Variants in UNC5C observed in about 807,000 individuals in gnomAD.
The protein encoded by UNC5C is netrin receptor UNC5C.
UNC5C carries 47 observed loss-of-function variants against 99.8 expected under a neutral mutation model. The observed-to-expected ratio is 0.47, with a 90% confidence interval of 0.37 to 0.60. The LOEUF is 0.60. Ranked by LOEUF, UNC5C falls within the 20% of genes least tolerant of loss-of-function variation. The pLI is 0.00. For synonymous variants in UNC5C, 487 were observed against 452.2 expected, an observed-to-expected ratio of 1.08 and a Z score of -0.98; for missense variants, 1,062 against 1,165.9, an observed-to-expected ratio of 0.91 and a Z score of 1.30.
chr4:95,487,008 A>C (rs1721344723), intron 1 of UNC5C, among the ~76,000 whole-genome samples: 1 of 151,316 alleles, frequency 6.6e-6, no homozygotes, highest in African/African-American at 2.4e-5. Flanking sequence ...TTTCTCGCTC[A>C]CTCTTTGGCC....
intron 12 of UNC5C, among the ~76,000 whole-genome samples, chr4:95,198,542 A>G (rs146001420): frequency 8.3e-6 from 1 of 120,272 alleles, no homozygotes; most frequent in African/African-American, 3.2e-5. Context: ...AATTTGAGGG[A>G]ATGATGGGAA....
rs950481681 is a variant in UNC5C at position 95,171,808 on chromosome 4, C to T, written c.2452-1476G>A. Among the ~76,000 whole-genome samples the T allele has an allele frequency of 4.6e-4, 70 of 151,946 alleles. 1 individual carries two copies. Among genetic ancestry groups the T allele is most frequent in the African/African-American group, 1.6e-3 (65 of 41,386 alleles). The stretch of plus-strand genomic sequence containing the variant: ...TTCTAGTTCTAGATCCCTGAGGAGT[C>T]GCCACACTGACTTCCACAATGGTTG... On this transcript the variant is annotated intron_variant, in intron 14 of 15. Coordinates refer to ENST00000453304, the MANE Select transcript of UNC5C (RefSeq NM_003728.4).
intron 1 of UNC5C, among the ~76,000 whole-genome samples, chr4:95,391,219 G>A (rs925043629): frequency 2.0e-5 from 3 of 152,104 alleles, no homozygotes; most frequent in Non-Finnish European, 2.9e-5. Context: ...CCAGTCTCAG[G>A]TATTTCTTCA....
At chr4:95,172,650 G>A (rs981268766) in intron 14 of UNC5C, among the ~76,000 whole-genome samples, 7 of 150,540 alleles carry the variant, frequency 4.6e-5, no homozygotes, top group African/African-American at 1.7e-4. Flanking sequence ...TAGCCTTGTA[G>A]TATAGTTTGA....
intron 1 of UNC5C, among the ~76,000 whole-genome samples, chr4:95,355,239 T>A (rs28417701): frequency 0.14 from 21,239 of 152,004 alleles, 1,727 homozygotes; most frequent in African/African-American, 0.21. Context: ...GTGGGTTACA[T>A]GAAATAAGGG....
At chr4:95,390,189 T>C (rs994663363) in intron 1 of UNC5C, among the ~76,000 whole-genome samples, 1 of 152,178 alleles carries the variant, frequency 6.6e-6, no homozygotes. Context: ...ATGGGGTGTC[T>C]AACTCATTCC....
chr4:95,467,946 G>A (rs534742752), intron 1 of UNC5C, among the ~76,000 whole-genome samples: 167 of 152,186 alleles, frequency 1.1e-3, no homozygotes, highest in African/African-American at 3.9e-3. Flanking sequence ...ATAGGTAGTG[G>A]ATCATCATAA....
chr4:95,370,195 AG>A (rs1744702612), intron 1 of UNC5C, among the ~76,000 whole-genome samples: 1 of 152,212 alleles, frequency 6.6e-6, no homozygotes, highest in Non-Finnish European at 1.5e-5. Flanking sequence ...AGGCCATAAA[AG>A]AAGGTAATAT....
At chr4:95,515,246 A>G (rs1031746530) in intron 1 of UNC5C, among the ~76,000 whole-genome samples, 3 of 152,134 alleles carry the variant, frequency 2.0e-5, no homozygotes, top group Non-Finnish European at 4.4e-5. Flanking sequence ...TTATTTCTTA[A>G]TTATAGTACA....
At chr4:95,425,169 C>G (rs1162092453) in intron 1 of UNC5C, among the ~76,000 whole-genome samples, 1 of 152,204 alleles carries the variant, frequency 6.6e-6, no homozygotes, top group Non-Finnish European at 1.5e-5. Context: ...TCACCAAATA[C>G]AGGATCCCTT....
intron 1 of UNC5C, among the ~76,000 whole-genome samples, chr4:95,396,311 A>C (rs1415546285): frequency 1.3e-5 from 2 of 152,250 alleles, no homozygotes; most frequent in Non-Finnish European, 2.9e-5. Flanking sequence ...CTTTAAAGCA[A>C]AGGTGTTAGA....
At chr4:95,494,670 C>T (rs1476926994) in intron 1 of UNC5C, among the ~76,000 whole-genome samples, 1 of 151,382 alleles carries the variant, frequency 6.6e-6, no homozygotes, top group Non-Finnish European at 1.5e-5. Context: ...TTCTAAGAGG[C>T]AATGCTAAGC....
chr4:95,352,469 C>G (rs1744025329), intron 1 of UNC5C, among the ~76,000 whole-genome samples: 1 of 152,120 alleles, frequency 6.6e-6, no homozygotes, highest in Admixed American at 6.6e-5. Context: ...CTGATTATTT[C>G]TTACTACCTA....
At chr4:95,340,995 A>G (rs1330120060) in intron 1 of UNC5C, among the ~76,000 whole-genome samples, 1 of 152,176 alleles carries the variant, frequency 6.6e-6, no homozygotes. Context: ...TAGCTAAAAA[A>G]TACTCAATGA....
At chr4:95,216,962 C>T (rs1018170151) in intron 9 of UNC5C, among the ~76,000 whole-genome samples, 2 of 152,170 alleles carry the variant, frequency 1.3e-5, no homozygotes, top group Admixed American at 1.3e-4. Flanking sequence ...CAACCAGTTG[C>T]CAGGTGATGC....
intron 1 of UNC5C, among the ~76,000 whole-genome samples, chr4:95,511,470 A>T (rs1444730223): frequency 6.6e-6 from 1 of 152,202 alleles, no homozygotes; most frequent in Non-Finnish European, 1.5e-5. Context: ...AAAGTGTTAA[A>T]TGTCCAACAT....
intron 1 of UNC5C, among the ~76,000 whole-genome samples, chr4:95,492,832 C>T (rs1212382605): frequency 6.6e-6 from 1 of 151,302 alleles, no homozygotes; most frequent in Non-Finnish European, 1.5e-5. Context: ...TGATTTTTTG[C>T]TTTATTTGAT....
rs573292309 is a variant in UNC5C, at chr4:95,383,772, A to AT, written c.125-48142dup. On this transcript the variant is annotated intron_variant, in intron 1 of 15. Transcript: ENST00000453304. ...CATTTGTGATAAAATTGACATCCATATTTGCTAACTTAATTGAAGCATGAC... is the reference window on the plus strand; with the variant it reads ...CATTTGTGATAAAATTGACATCCATATTTTGCTAACTTAATTGAAGCATGAC... 6.7e-3 allele frequency among the ~76,000 whole-genome samples: 1,027 copies of AT among 152,312 alleles called. 13 individuals are homozygous for AT. The highest frequency in any genetic ancestry group is 0.024 in the African/African-American group (986 of 41,580).
intron 1 of UNC5C, among the ~76,000 whole-genome samples, chr4:95,476,871 G>C (rs557362971): frequency 5.3e-5 from 8 of 152,148 alleles, no homozygotes; most frequent in South Asian, 2.1e-4. Context: ...AGTCACTCAT[G>C]ATTTTTAGCT....
Sources: allele counts gnomAD v4.1 joint callset (sites outside exome capture counted in the v4.1 genomes callset), GRCh38; gene constraint gnomAD v4.1.1; transcripts MANE v1.5; gene names NCBI Gene and HGNC (gene_info 2026-07-23, HGNC 2026-07-21).